Variants in OTUD7A observed in about 807,000 individuals in gnomAD.
OTUD7A encodes the protein OTU domain-containing protein 7A.
Under a neutral mutation model 65.7 loss-of-function variants are expected in OTUD7A, and 12 were observed. That is an observed-to-expected ratio of 0.18 (90% CI 0.12 to 0.30). The LOEUF is 0.30. Among genes scored for constraint, OTUD7A ranks in the 10% least tolerant of loss-of-function variants. The pLI is 1.00. For missense variants in OTUD7A, 1,148 were observed against 1,304.8 expected, an observed-to-expected ratio of 0.88 and a Z score of 1.85; for synonymous variants, 641 against 586.3, an observed-to-expected ratio of 1.09 and a Z score of -1.35.
chr15:31,666,731 A>C (rs1480292157), intron 1 of OTUD7A, among the ~76,000 whole-genome samples: 1 of 151,988 alleles, frequency 6.6e-6, no homozygotes, highest in African/African-American at 2.4e-5. Context: ...TTAGAATGTC[A>C]GTTTCTGCCC....
rs1281178156 is a variant in OTUD7A, at chr15:31,478,507, T to C, written c.*4787A>G. The C allele has an allele frequency of 6.6e-6, 1 of 152,162 alleles. No individual in the cohort carries two copies. The highest frequency in any genetic ancestry group is 1.5e-5 in the Non-Finnish European group (1 of 68,030). 9.4% of individuals were successfully genotyped at this position (152,162 alleles called of 1,614,324 possible). ...TCAACAAATCATTTGGCAAAATAAATAGAAACAGTAACATTACTAGCATGG... is the reference window on the plus strand; with the variant it reads ...TCAACAAATCATTTGGCAAAATAAACAGAAACAGTAACATTACTAGCATGG... On this transcript the variant is annotated 3_prime_UTR_variant, in exon 13 of 13. Transcript: ENST00000307050.
intron 1 of OTUD7A, among the ~76,000 whole-genome samples, chr15:31,791,907 C>A (rs1389395013): frequency 1.3e-5 from 2 of 152,070 alleles, no homozygotes; most frequent in Admixed American, 6.6e-5. Context: ...CAAATGCACT[C>A]CCATGAAGGC....
intron 1 of OTUD7A, among the ~76,000 whole-genome samples, chr15:31,680,317 T>G (rs879776528): frequency 3.9e-5 from 6 of 152,092 alleles, no homozygotes; most frequent in Non-Finnish European, 8.8e-5. Context: ...GAGAGAACAC[T>G]CTAATTATGT....
chr15:31,626,508 GGAACT>G (rs1890956951), intron 3 of OTUD7A, among the ~76,000 whole-genome samples: 1 of 152,156 alleles, frequency 6.6e-6, no homozygotes, highest in Non-Finnish European at 1.5e-5. Context: ...GTGTGTGCAT[GGAACT>G]ATCTGTAACT....
In OTUD7A at chr15:31,615,664, C is replaced by T. The variant is rs193109538; in HGVS notation, c.151+39432G>A. ...TTTTTGTTTCTTTGTGAACATGGAA[C>T]GTTTACCAAAATTGATCATATGCTA... On this transcript the variant is annotated intron_variant, in intron 3 of 12. Coordinates refer to ENST00000307050, the MANE Select transcript of OTUD7A (RefSeq NM_001382637.1). Among the ~76,000 whole-genome samples the T allele has an allele frequency of 6.6e-5, 10 of 152,290 alleles. No individual in the cohort carries two copies. In the East Asian group the frequency reaches 1.2e-3, roughly 18 times the overall value.
rs558895597 is a variant in OTUD7A, at chr15:31,657,555, G to T, written c.-99-478C>A. On this transcript the variant is annotated intron_variant, in intron 1 of 12. Coordinates refer to ENST00000307050, the MANE Select transcript of OTUD7A (RefSeq NM_001382637.1). The stretch of plus-strand genomic sequence containing the variant: ...TTTTTGTATTTTTAGTAGAGACAGG[G>T]TTTCACCATGTTAGCTAGGATGGTC... 1.8e-3 allele frequency among the ~76,000 whole-genome samples: 269 copies of T among 151,064 alleles called. 1 individual carries two copies. The highest frequency in any genetic ancestry group is 6.1e-3 in the African/African-American group (252 of 41,150).
chr15:31,657,997 C>T lies in OTUD7A; in HGVS notation c.-99-920G>A, dbSNP rs551774045. ...GCCACCCCAGGGAGAGTAATGTGTCCCATCAATGCATGGTGACTGCCTTAG... is the reference window on the plus strand; with the variant it reads ...GCCACCCCAGGGAGAGTAATGTGTCTCATCAATGCATGGTGACTGCCTTAG... On this transcript the variant is annotated intron_variant, in intron 1 of 12. Coordinates refer to ENST00000307050, the MANE Select transcript of OTUD7A (RefSeq NM_001382637.1). Among the ~76,000 whole-genome samples, 143 of 152,208 alleles carry T rather than the reference C, an allele frequency of 9.4e-4. 2 individuals are homozygous for T. In the South Asian group the frequency reaches 0.029, roughly 31 times the overall value.
chr15:31,626,581 TATAATTTTTTTTGAGGCAGGGTCTCACTG>T (rs1890959680), intron 3 of OTUD7A, among the ~76,000 whole-genome samples: 1 of 152,122 alleles, frequency 6.6e-6, no homozygotes, highest in African/African-American at 2.4e-5. Context: ...AAAATCAGAA[TATAATTTTTTTTGAGGCAGGGTCTCACTG>T]TGTTGCCCAA....
chr15:31,496,582 G>GT (rs1178137010), intron 10 of OTUD7A, among the ~76,000 whole-genome samples: 2 of 152,202 alleles, frequency 1.3e-5, no homozygotes, highest in Non-Finnish European at 2.9e-5. Flanking sequence ...AATGATACTT[G>GT]TAACATGTAA....
At chr15:31,504,570 C>A (rs1420129997) in intron 8 of OTUD7A, among the ~76,000 whole-genome samples, 1 of 152,246 alleles carries the variant, frequency 6.6e-6, no homozygotes, top group Non-Finnish European at 1.5e-5. Flanking sequence ...GAGCTCACAG[C>A]GTTATGGAGC....
At chr15:31,752,053 T>A (rs2141385644) in intron 1 of OTUD7A, among the ~76,000 whole-genome samples, 2 of 152,242 alleles carry the variant, frequency 1.3e-5, no homozygotes, top group East Asian at 3.9e-4. Context: ...AAAATTAAAA[T>A]TTTAAAATAA....
chr15:31,532,052 G>A (rs1445272266), intron 5 of OTUD7A, among the ~76,000 whole-genome samples: 3 of 152,146 alleles, frequency 2.0e-5, no homozygotes, highest in Non-Finnish European at 4.4e-5. Flanking sequence ...GGTGTCAGGA[G>A]GTCCGCTAAA....
chr15:31,802,012 G>A (rs1037911904), intron 1 of OTUD7A, among the ~76,000 whole-genome samples: 3 of 151,768 alleles, frequency 2.0e-5, no homozygotes, highest in East Asian at 3.9e-4. Context: ...ATTTTGTTAT[G>A]GGTTTTACAT....
intron 1 of OTUD7A, among the ~76,000 whole-genome samples, chr15:31,846,623 C>T (rs1479065870): frequency 1.3e-5 from 2 of 152,230 alleles, no homozygotes; most frequent in East Asian, 1.9e-4. Context: ...GCCCAGCCCC[C>T]GGTGAGCCCC....
Position 31,784,083 on chromosome 15 carries a change from C to T in OTUD7A, c.-100+86424G>A, listed in dbSNP as rs367651024. 3.3e-5 allele frequency among the ~76,000 whole-genome samples: 5 copies of T among 152,276 alleles called. No homozygotes were observed. In the East Asian group the frequency reaches 7.7e-4, roughly 23 times the overall value. ...AAGAGCCACCTAACTCAATGGACCA[C>T]TATTTTCCAAGCGATCAGTGTATCA... On this transcript the variant is annotated intron_variant, in intron 1 of 12. Coordinates refer to ENST00000307050, the MANE Select transcript of OTUD7A (RefSeq NM_001382637.1).
At chr15:31,602,568 A>C (rs540062550) in intron 3 of OTUD7A, among the ~76,000 whole-genome samples, 3 of 152,218 alleles carry the variant, frequency 2.0e-5, no homozygotes, top group African/African-American at 7.2e-5. Flanking sequence ...CCTCTTCACC[A>C]TTCCTATTCA....
intron 1 of OTUD7A, among the ~76,000 whole-genome samples, chr15:31,784,635 G>A (rs1175372133): frequency 6.6e-6 from 1 of 152,012 alleles, no homozygotes; most frequent in Non-Finnish European, 1.5e-5. Context: ...TAGGCACCAC[G>A]ATAATTTTTA....
At chr15:31,631,721 T>C (rs1305466262) in intron 3 of OTUD7A, among the ~76,000 whole-genome samples, 4 of 152,214 alleles carry the variant, frequency 2.6e-5, no homozygotes, top group African/African-American at 9.6e-5. Context: ...CACTTTCAGG[T>C]ACACCAATCA....
At chr15:31,858,327 G>A (rs1203751839) in intron 1 of OTUD7A, among the ~76,000 whole-genome samples, 1 of 152,172 alleles carries the variant, frequency 6.6e-6, no homozygotes, top group Non-Finnish European at 1.5e-5. Flanking sequence ...GAGCCCTGAG[G>A]TCCAATGCCT....
Sources: allele counts gnomAD v4.1 joint callset (sites outside exome capture counted in the v4.1 genomes callset), GRCh38; gene constraint gnomAD v4.1.1; transcripts MANE v1.5; gene names NCBI Gene and HGNC (gene_info 2026-07-23, HGNC 2026-07-21).